The following MAPKAP1 variants were observed in gnomAD, a reference collection of about 807,000 sequenced individuals.
MAPKAP1 encodes the protein MAPK associated protein 1.
A neutral mutation model predicts 65.7 loss-of-function variants in MAPKAP1; 20 were observed. The observed-to-expected ratio is 0.30, with a 90% CI of 0.21 to 0.44. The LOEUF is 0.44. Ranked by LOEUF, MAPKAP1 falls within the 20% of genes least tolerant of loss-of-function variation. The pLI is 1.00. For missense variants in MAPKAP1, 423 were observed against 648.0 expected (o/e 0.65, Z 3.77); for synonymous variants, 222 against 244.3 (o/e 0.91, Z 0.85).
chr9:125,496,815 C>T (rs1854965743), intron 8 of MAPKAP1, among the ~76,000 whole-genome samples: 2 of 152,148 alleles, frequency 1.3e-5, no homozygotes, highest in Admixed American at 1.3e-4. Context: ...CCCAAGTTCT[C>T]CTTAAAAGCC....
At chr9:125,603,771 C>T (rs1832371300) in intron 4 of MAPKAP1, among the ~76,000 whole-genome samples, 1 of 152,074 alleles carries the variant, frequency 6.6e-6, no homozygotes, top group African/African-American at 2.4e-5. Flanking sequence ...GTCAGTTCCC[C>T]TGCTGCGAAC....
intron 7 of MAPKAP1, among the ~76,000 whole-genome samples, chr9:125,534,111 T>G (rs528669278): frequency 5.3e-5 from 8 of 152,240 alleles, no homozygotes; most frequent in South Asian, 2.1e-4. Context: ...AAGCATTTAC[T>G]GAGTATACTA....
chr9:125,631,991 G>A lies in MAPKAP1; in HGVS notation c.498+25660C>T, dbSNP rs567932237. ...TCCCAGCACTTTGCAAGGCCGAGGCGGGCAGATCCCTTGAGGTAAGGAGTT... is the reference window on the plus strand; with the variant it reads ...TCCCAGCACTTTGCAAGGCCGAGGCAGGCAGATCCCTTGAGGTAAGGAGTT... On this transcript the variant is annotated intron_variant, in intron 4 of 11. Transcript: ENST00000265960. 1.2e-4 allele frequency among the ~76,000 whole-genome samples: 19 copies of A among 152,104 alleles called. 2 individuals carry two copies. In the South Asian group the frequency reaches 1.5e-3, roughly 12 times the overall value.
chr9:125,503,819 C>T (rs566590754), intron 8 of MAPKAP1, among the ~76,000 whole-genome samples: 199 of 147,162 alleles, frequency 1.4e-3, no homozygotes, highest in African/African-American at 4.8e-3. Flanking sequence ...CAGGCCCAAG[C>T]GATTCTCGTG....
intron 10 of MAPKAP1, among the ~76,000 whole-genome samples, chr9:125,462,084 TCACATGAGAAAGAGAGAGAG>T (rs1002785520): frequency 2.0e-5 from 3 of 152,312 alleles, no homozygotes; most frequent in South Asian, 2.1e-4. Context: ...AGAATGCCTA[TCACATGAGAAAGAGAGAGAG>T]CGCATGAGCA....
intron 4 of MAPKAP1, among the ~76,000 whole-genome samples, chr9:125,629,861 T>C (rs899956054): frequency 6.6e-6 from 1 of 152,232 alleles, no homozygotes; most frequent in African/African-American, 2.4e-5. Context: ...CAAGGCCATG[T>C]ATAACACAAA....
intron 1 of MAPKAP1, among the ~76,000 whole-genome samples, chr9:125,688,733 C>T (rs929708027): frequency 2.0e-5 from 3 of 152,084 alleles, no homozygotes; most frequent in Non-Finnish European, 4.4e-5. Context: ...GTAAGACCCT[C>T]ATCTCTTAAA....
chr9:125,675,859 C>CT (rs1159420119), intron 1 of MAPKAP1, among the ~76,000 whole-genome samples: 1 of 152,118 alleles, frequency 6.6e-6, no homozygotes, highest in Non-Finnish European at 1.5e-5. Flanking sequence ...AAAGGATTGT[C>CT]TTTTTTTCGT....
chr9:125,550,051 T>C (rs1379919434), intron 6 of MAPKAP1, among the ~76,000 whole-genome samples: 2 of 152,356 alleles, frequency 1.3e-5, no homozygotes, highest in Admixed American at 1.3e-4. Flanking sequence ...TTGCAAACTG[T>C]TTCTGTTCAA....
chr9:125,532,740 C>G (rs1051075691), intron 7 of MAPKAP1, among the ~76,000 whole-genome samples: 1 of 152,168 alleles, frequency 6.6e-6, no homozygotes, highest in African/African-American at 2.4e-5. Flanking sequence ...CAGGCGTGTC[C>G]TTAGATCTGC....
intron 1 of MAPKAP1, among the ~76,000 whole-genome samples, chr9:125,697,253 C>T (rs1278127923): frequency 6.6e-6 from 1 of 152,198 alleles, no homozygotes; most frequent in Non-Finnish European, 1.5e-5. Flanking sequence ...TACAACTTCA[C>T]AATCACCTGC....
intron 3 of MAPKAP1, among the ~76,000 whole-genome samples, chr9:125,665,858 A>G (rs1834325328): frequency 6.6e-6 from 1 of 152,250 alleles, no homozygotes; most frequent in South Asian, 2.1e-4. Context: ...AATAATTGAT[A>G]TAAATAAGCT....
rs567787349 is a variant in MAPKAP1, at chr9:125,672,240, C to G, written c.259+76G>C. On this transcript the variant is annotated intron_variant, in intron 2 of 11. Coordinates refer to ENST00000265960, the MANE Select transcript of MAPKAP1 (RefSeq NM_001006617.3). Reference sequence around the variant, plus strand: ...GGAAACATCCCCCATTAAGCCTATTCCAATATTATGCATTATTCCATAAGA... The same window carrying G: ...GGAAACATCCCCCATTAAGCCTATTGCAATATTATGCATTATTCCATAAGA... 47 of 1,517,888 alleles carry G rather than the reference C, an allele frequency of 3.1e-5. 1 individual carries two copies. In the Admixed American group the frequency reaches 7.9e-4, roughly 26 times the overall value. 94.0% of individuals were successfully genotyped at this position (1,517,888 alleles called of 1,614,324 possible). A position where few individuals can be genotyped will look rare whatever the true frequency, so the allele number is the denominator to read the frequency against.
At chr9:125,665,815 A>C (rs1175587438) in intron 3 of MAPKAP1, among the ~76,000 whole-genome samples, 2 of 152,206 alleles carry the variant, frequency 1.3e-5, no homozygotes, top group East Asian at 3.8e-4. Flanking sequence ...AGAAACCAAT[A>C]ATAGAAGTTA....
intron 9 of MAPKAP1, among the ~76,000 whole-genome samples, chr9:125,468,933 C>A (rs984183509): frequency 4.6e-5 from 7 of 152,074 alleles, no homozygotes; most frequent in East Asian, 1.9e-4. Context: ...ATGGGAGGGG[C>A]CCTGGAATAA....
At chr9:125,706,336 C>G (rs1015348211) in intron 1 of MAPKAP1, among the ~76,000 whole-genome samples, 5 of 151,984 alleles carry the variant, frequency 3.3e-5, no homozygotes, top group African/African-American at 1.2e-4. Flanking sequence ...CAACATGGTG[C>G]TTTGTACAGT....
chr9:125,646,416 C>T (rs766858369), intron 4 of MAPKAP1, among the ~76,000 whole-genome samples: 5 of 152,306 alleles, frequency 3.3e-5, no homozygotes, highest in East Asian at 1.9e-4. Flanking sequence ...TTATCCCTTC[C>T]GTGAAGTTTC....
chr9:125,513,843 A>T (rs1046619304), intron 7 of MAPKAP1, among the ~76,000 whole-genome samples: 2 of 152,194 alleles, frequency 1.3e-5, no homozygotes, highest in Non-Finnish European at 2.9e-5. Context: ...TGTCCAAAGT[A>T]GGGGTGCAGG....
chr9:125,635,257 T>C (rs538259005), intron 4 of MAPKAP1, among the ~76,000 whole-genome samples: 5 of 152,312 alleles, frequency 3.3e-5, no homozygotes, highest in East Asian at 1.9e-4. Flanking sequence ...AACAGACCCA[T>C]TCACCTCAAA....
Sources: allele counts gnomAD v4.1 joint callset (sites outside exome capture counted in the v4.1 genomes callset), GRCh38; gene constraint gnomAD v4.1.1; transcripts MANE v1.5; gene names NCBI Gene and HGNC (gene_info 2026-07-23, HGNC 2026-07-21).